Variants in NUCB1 observed in about 807,000 individuals in gnomAD.
NUCB1 encodes nucleobindin-1.
In NUCB1, 47 loss-of-function variants were observed where a neutral mutation model predicts 61.2. The observed-to-expected ratio is 0.77, with a 90% CI of 0.61 to 0.98. NUCB1 has a LOEUF of 0.98. Among genes scored for constraint, NUCB1 ranks in the 50% least tolerant of loss-of-function variants. NUCB1 has a pLI of 0.00. For synonymous variants in NUCB1, 234 were observed against 243.1 expected (o/e 0.96, Z 0.35); for missense variants, 583 against 605.3 (o/e 0.96, Z 0.39).
At chr19:48,920,628 A>G (rs1346665193) in intron 10 of NUCB1, among the ~76,000 whole-genome samples, 1 of 151,862 alleles carries the variant, frequency 6.6e-6, no homozygotes, top group Non-Finnish European at 1.5e-5. Flanking sequence ...GGTTCAAGCA[A>G]TTCTCCTGCC....
At position 48,919,322 on chromosome 19, in the gene NUCB1, C is replaced by T. The variant is rs939044892; in HGVS notation, c.1002+36C>T. Reference sequence around the variant, plus strand: ...GGGGGATACTCGGGGTCCTGAACCTCTCTCTCTTCTAGCCATGACCTTTCT... The same window carrying T: ...GGGGGATACTCGGGGTCCTGAACCTTTCTCTCTTCTAGCCATGACCTTTCT... On this transcript the variant is annotated intron_variant, in intron 10 of 12. Transcript: ENST00000405315. 3 of 1,489,098 alleles carry T rather than the reference C, an allele frequency of 2.0e-6. No homozygotes were observed. In the South Asian group the frequency reaches 3.4e-5, roughly 17 times the overall value. The allele number at this position is 1,489,098 out of a possible 1,614,324, so 92.2% of individuals were successfully genotyped here. A position where few individuals can be genotyped will look rare whatever the true frequency, so the allele number is the denominator to read the frequency against.
At chr19:48,907,887 C>T (rs2037429373) in intron 4 of NUCB1, among the ~76,000 whole-genome samples, 3 of 151,968 alleles carry the variant, frequency 2.0e-5, no homozygotes, top group Non-Finnish European at 4.4e-5. Flanking sequence ...AAATTGCTGG[C>T]GTGCAGCCTT....
chr19:48,913,063 G>A lies in NUCB1; in HGVS notation c.533G>A (p.Arg178His), dbSNP rs1260487518. The A allele has an allele frequency of 1.3e-5, 21 of 1,613,482 alleles. No individual in the cohort carries two copies. The highest frequency in any genetic ancestry group is 3.3e-5 in the South Asian group (3 of 91,064). The change falls in exon 6 of 13, where the codon CGC becomes CAC. Residue 178 changes from arginine (R) to histidine (H), a missense_variant. Transcript: ENST00000405315. ...YDAAHHEEFK[R>H]YEMLKEHERR... ...GCAGCCCATCATGAAGAGTTCAAGC[G>A]CTACGAGATGCTTAAGGAACACGAG...
At chr19:48,911,047 C>A (rs2037465847) in intron 4 of NUCB1, 102 bp from the exon 5 acceptor site, 1 of 793,546 alleles carries the variant, frequency 1.3e-6, no homozygotes, top group Non-Finnish European at 2.1e-6. Context: ...GTCTTCTGGG[C>A]TTCCCTAGTG....
intron 9 of NUCB1, 27 bp downstream of exon 9, chr19:48,919,149 G>A: frequency 1.2e-6 from 2 of 1,613,584 alleles, no homozygotes; most frequent in Non-Finnish European, 1.7e-6. Context: ...GCGGGGGAGA[G>A]GACGGGCCCC....
chr19:48,905,251 AG>A (rs2037398882), intron 3 of NUCB1, among the ~76,000 whole-genome samples: 1 of 152,152 alleles, frequency 6.6e-6, no homozygotes, highest in Non-Finnish European at 1.5e-5. Context: ...ATTCAAAATA[AG>A]GGAGGTGCTG....
chr19:48,904,774 G>A (rs2037394901), intron 3 of NUCB1, among the ~76,000 whole-genome samples: 1 of 151,982 alleles, frequency 6.6e-6, no homozygotes, highest in African/African-American at 2.4e-5. Context: ...CTCCCATCTC[G>A]GCTTCCCAAA....
At chr19:48,901,223 C>T in intron 2 of NUCB1, 1 of 547,006 alleles carries the variant, frequency 1.8e-6, no homozygotes, top group Admixed American at 3.2e-5. Flanking sequence ...CTACATTTCC[C>T]AGTAGCACCA....
Position 48,918,961 on chromosome 19 carries a change from G to C in NUCB1, c.817-69G>C, listed in dbSNP as rs13344642. The C allele has an allele frequency of 0.012, 17,486 of 1,499,206 alleles. 1,561 individuals are homozygous for C. In the African/African-American group the frequency reaches 0.2, roughly 17 times the overall value. 92.9% of individuals were successfully genotyped at this position (1,499,206 alleles called of 1,614,324 possible). ...TAGCGTGCCCAAAGGACTGCTGGGA[G>C]TTGAAGTTGTCGGGAATGAGCTCGC... On this transcript the variant is annotated intron_variant, in intron 8 of 12. Coordinates refer to ENST00000405315, the MANE Select transcript of NUCB1 (RefSeq NM_006184.6).
chr19:48,913,628 A>G (rs898841584), intron 7 of NUCB1, 64 bp downstream of exon 7: 1 of 1,353,732 alleles, frequency 7.4e-7, no homozygotes, highest in Non-Finnish European at 1.1e-6. Context: ...CTAGGACCTG[A>G]ATGCTAAGAG....
intron 11 of NUCB1, 140 bp from the exon 12 acceptor site, chr19:48,921,687 G>C (rs767709090): frequency 2.8e-4 from 217 of 787,396 alleles, no homozygotes; most frequent in Non-Finnish European, 4.4e-4. Flanking sequence ...ATGAAAGAGA[G>C]AAACTGAGGC....
At chr19:48,901,877 T>C (rs547253937) in intron 2 of NUCB1, among the ~76,000 whole-genome samples, 2 of 152,316 alleles carry the variant, frequency 1.3e-5, no homozygotes, top group African/African-American at 4.8e-5. Flanking sequence ...TTCTGTGAAA[T>C]CCTTGCAGAC....
intron 2 of NUCB1, among the ~76,000 whole-genome samples, chr19:48,902,904 G>T (rs1161607162): frequency 6.6e-6 from 1 of 150,892 alleles, no homozygotes; most frequent in Non-Finnish European, 1.5e-5. Context: ...GATCATGTGG[G>T]ATCTTGTGAG....
chr19:48,915,839 G>A (rs2037533940), intron 7 of NUCB1, among the ~76,000 whole-genome samples: 2 of 151,258 alleles, frequency 1.3e-5, no homozygotes, highest in South Asian at 2.1e-4. Flanking sequence ...TTTTGAGACA[G>A]GATCTTGCTA....
intron 4 of NUCB1, among the ~76,000 whole-genome samples, chr19:48,909,761 C>T (rs908982553): frequency 6.6e-6 from 1 of 152,040 alleles, no homozygotes; most frequent in African/African-American, 2.4e-5. Flanking sequence ...ACGCTGGTCT[C>T]GAATGCCTGA....
chr19:48,912,986 G>A (rs879058313), intron 5 of NUCB1, 25 bp from the exon 6 acceptor site: 1 of 1,572,448 alleles, frequency 6.4e-7, no homozygotes, highest in Non-Finnish European at 8.6e-7. Flanking sequence ...GGGGCAGAGG[G>A]GAATGACCCT....
intron 7 of NUCB1, among the ~76,000 whole-genome samples, chr19:48,914,062 G>A (rs1043865326): frequency 3.4e-5 from 5 of 146,116 alleles, no homozygotes; most frequent in Non-Finnish European, 7.4e-5. Flanking sequence ...CCTGCCCTCC[G>A]CCTCCCGGGT....
At chr19:48,912,264 G>A (rs372193932) in intron 5 of NUCB1, among the ~76,000 whole-genome samples, 6 of 152,064 alleles carry the variant, frequency 3.9e-5, no homozygotes, top group Admixed American at 1.3e-4. Context: ...GGGCTCGAGT[G>A]ATCCTCCCAC....
At position 48,923,158 on chromosome 19, in the gene NUCB1, G is replaced by A. The variant is rs1251992798; in HGVS notation, c.*734G>A. On this transcript the variant is annotated 3_prime_UTR_variant, in exon 13 of 13. Coordinates refer to ENST00000405315, the MANE Select transcript of NUCB1 (RefSeq NM_006184.6). ...GCCCAGCCCCTCAGCCTCATCTGGA[G>A]CCCCTGAAGACCAGTCCCACCCACC... is the stretch of plus-strand genomic sequence containing the variant. The A allele has an allele frequency of 6.5e-6, 1 of 152,924 alleles. No individual in the cohort carries two copies. Among genetic ancestry groups the A allele is most frequent in the East Asian group, 1.9e-4 (1 of 5,210 alleles). 9.5% of individuals were successfully genotyped at this position (152,924 alleles called of 1,614,324 possible). A position where few individuals can be genotyped will look rare whatever the true frequency, so the allele number is the denominator to read the frequency against.
Sources: gnomAD v4.1 joint callset for allele counts (sites outside exome capture counted in the v4.1 genomes callset) on GRCh38, gnomAD v4.1.1 for gene constraint, MANE v1.5 for transcripts, NCBI Gene and HGNC (gene_info 2026-07-23, HGNC 2026-07-21) for gene names.